The following NCAN variants were observed in gnomAD, a reference collection of about 807,000 sequenced individuals.
NCAN encodes the protein neurocan, also known as neurocan core protein.
In NCAN, 47 loss-of-function variants were observed where a neutral mutation model predicts 121.8. That is an observed-to-expected ratio of 0.39 (90% confidence interval 0.31 to 0.49). NCAN has a LOEUF of 0.49. Ranked by LOEUF, NCAN falls within the 20% of genes least tolerant of loss-of-function variation. The probability of loss-of-function intolerance (pLI) is 0.92; values close to 1 mark genes in which losing one functional copy is unlikely to be tolerated. For missense variants in NCAN, 1,517 were observed against 1,773.4 expected, an observed-to-expected ratio of 0.86 and a Z score of 2.60; for synonymous variants, 633 against 702.0, an observed-to-expected ratio of 0.90 and a Z score of 1.55.
At position 19,248,685 on chromosome 19, in the gene NCAN, A is replaced by T. The variant is rs896360173; in HGVS notation, c.3638-15A>T. On this transcript the variant is annotated splice_polypyrimidine_tract_variant and intron_variant, in intron 13 of 14. Coordinates refer to ENST00000252575, the MANE Select transcript of NCAN (RefSeq NM_004386.3). The stretch of plus-strand genomic sequence containing the variant: ...GATGTGAGCACCTCTCTCACTAGAG[A>T]TTCCTCTGTCCCAGTGCTCTGTGGT... The T allele has an allele frequency of 6.2e-7, 1 of 1,608,970 alleles. No individual in the cohort carries two copies.
At position 19,225,185 on chromosome 19, in the gene NCAN, C is replaced by G; in HGVS notation, c.987C>G (p.Ala329=). The change falls in exon 6 of 15, where the codon GCC becomes GCG. Residue 329 remains alanine (A), a synonymous_variant. Coordinates refer to ENST00000252575, the MANE Select transcript of NCAN (RefSeq NM_004386.3). This position sits in a 1 kb window ranked among gnomAD's most constrained non-coding sequence, Gnocchi z 4.0. The part of the protein sequence containing the change: ...QTPRRRCGGP[A]PGVRTVYRFA... The stretch of plus-strand genomic sequence containing the variant: ...CGCGCCGGCGCTGCGGGGGCCCAGC[C>G]CCGGGCGTGCGCACCGTCTACCGCT... The G allele has an allele frequency of 6.5e-7, 1 of 1,550,376 alleles. No individual in the cohort carries two copies. The highest frequency in any genetic ancestry group is 1.4e-5 in the African/African-American group (1 of 70,938).
intron 9 of NCAN, 142 bp downstream of exon 9, chr19:19,234,047 C>T: frequency 1.7e-6 from 1 of 601,226 alleles, no homozygotes; most frequent in Non-Finnish European, 3.0e-6. Flanking sequence ...CCACTCCTTG[C>T]ATTCAGCTAA....
chr19:19,246,855 A>G (rs1340951432), intron 13 of NCAN, among the ~76,000 whole-genome samples: 1 of 151,998 alleles, frequency 6.6e-6, no homozygotes, highest in African/African-American at 2.4e-5. Context: ...CCAACTGTTT[A>G]TATGTTGACA....
chr19:19,248,949 C>T (rs749484410), intron 14 of NCAN, 67 bp downstream of exon 14: 1 of 1,534,934 alleles, frequency 6.5e-7, no homozygotes, highest in East Asian at 2.3e-5. Flanking sequence ...GTAAGACATC[C>T]TATTTCTCCA....
At position 19,212,325 on chromosome 19, in the gene NCAN, G is replaced by C. The variant is rs1481910576; in HGVS notation, c.-8+261G>C. ...CCCGGTGGGGAGGGGGCCGGGCTGG[G>C]GGTGGGTCTCAGGGTTGAGGAGGGA... On this transcript the variant is annotated intron_variant, in intron 1 of 14. Coordinates refer to ENST00000252575, the MANE Select transcript of NCAN (RefSeq NM_004386.3). This position sits in a 1 kb window ranked among gnomAD's most constrained non-coding sequence, Gnocchi z 4.5. 5.3e-5 allele frequency among the ~76,000 whole-genome samples: 8 copies of C among 151,808 alleles called. No homozygotes were observed. The highest frequency in any genetic ancestry group is 5.2e-4 in the Admixed American group (8 of 15,244).
chr19:19,233,850 C>T lies in NCAN; in HGVS notation c.3081C>T (p.Gly1027=). 1 of 1,614,114 alleles carries T rather than the reference C, an allele frequency of 6.2e-7. No individual in the cohort carries two copies. The highest frequency in any genetic ancestry group is 2.2e-5 in the East Asian group (1 of 44,888). ...CLHGGTCNAN[G]TMYGCSCDQG... The stretch of plus-strand genomic sequence containing the variant: ...ATGGAGGGACATGTAATGCCAATGG[C>T]ACCATGTATGGCTGTAGCTGTGATC... Residue 1027 remains glycine, a synonymous_variant, in exon 9 of 15, where the codon GGC becomes GGT. Transcript: ENST00000252575.
At chr19:19,229,219 A>G (rs2060849520) in intron 8 of NCAN, among the ~76,000 whole-genome samples, 2 of 152,166 alleles carry the variant, frequency 1.3e-5, no homozygotes, top group African/African-American at 2.4e-5. Flanking sequence ...AAACAAAAAC[A>G]AAAACAAAGT....
intron 10 of NCAN, among the ~76,000 whole-genome samples, chr19:19,235,609 G>T (rs561428228): frequency 6.7e-6 from 1 of 148,242 alleles, no homozygotes; most frequent in Admixed American, 6.8e-5. Context: ...ACAGAGTCTC[G>T]CTCTGTCACC....
Position 19,226,828 on chromosome 19 carries a change from C to A in NCAN, c.1415C>A (p.Pro472Gln). Residue 472 changes from proline to glutamine, a missense_variant, in exon 7 of 15, where the codon CCA becomes CAA. By Grantham distance (76) the Pro-to-Gln change is moderately conservative. Coordinates refer to ENST00000252575, the MANE Select transcript of NCAN (RefSeq NM_004386.3). Reference protein sequence around the residue: ...TAASSHTEVAPTDPMPRRRGR... With the variant: ...TAASSHTEVAQTDPMPRRRGR... ...GCAAGTTCACACACGGAGGTGGCCCCAACTGACCCTATGCCTAGGAGAAGG... is the reference window on the plus strand; with the variant it reads ...GCAAGTTCACACACGGAGGTGGCCCAAACTGACCCTATGCCTAGGAGAAGG... 1 of 1,613,250 alleles carries A rather than the reference C, an allele frequency of 6.2e-7. No individual in the cohort carries two copies. The highest frequency in any genetic ancestry group is 1.7e-5 in the Admixed American group (1 of 60,022).
intron 10 of NCAN, 26 bp downstream of exon 10, chr19:19,235,122 A>G (rs2060876155): frequency 1.3e-6 from 2 of 1,542,994 alleles, no homozygotes; most frequent in South Asian, 1.1e-5. Flanking sequence ...AACACCAGAA[A>G]CAGTACCAAG....
chr19:19,222,455 T>A (rs2060820149), intron 3 of NCAN, among the ~76,000 whole-genome samples: 1 of 152,094 alleles, frequency 6.6e-6, no homozygotes, highest in African/African-American at 2.4e-5. Flanking sequence ...ATTTTTGTAT[T>A]TTTAGTAGAG....
chr19:19,228,270 G>A lies in NCAN; in HGVS notation c.2650G>A (p.Val884Ile), dbSNP rs940846307. The A allele has an allele frequency of 6.2e-7, 1 of 1,613,938 alleles. No homozygotes were observed. The highest frequency in any genetic ancestry group is 8.5e-7 in the Non-Finnish European group (1 of 1,179,998). Reference sequence around the variant, plus strand: ...CCTGGAGCAGGGGGACAAGGTTGGAGTTCCAGCCATGTCTACACTGGGCTC... The same window carrying A: ...CCTGGAGCAGGGGGACAAGGTTGGAATTCCAGCCATGTCTACACTGGGCTC... ...TTLEQGDKVG[V>I]PAMSTLGSSS... is the part of the protein sequence containing the mutation. The change falls in exon 8 of 15, where the codon GTT (valine) becomes ATT (isoleucine). Residue 884 changes from valine (V) to isoleucine (I), a missense_variant. Coordinates refer to ENST00000252575, the MANE Select transcript of NCAN (RefSeq NM_004386.3).
Position 19,238,358 on chromosome 19 carries a change from G to T in NCAN, c.3356G>T (p.Arg1119Leu), listed in dbSNP as rs142856081. Residue 1119 changes from arginine (R) to leucine (L), a missense_variant, in exon 11 of 15, where the codon CGC becomes CTC. Physicochemically the swap from Arg to Leu is moderately radical, Grantham distance 102. Coordinates refer to ENST00000252575, the MANE Select transcript of NCAN (RefSeq NM_004386.3). ...WEDAEKDCRR[R>L]SGHLTSVHSP... Reference sequence around the variant, plus strand: ...GATGCCGAGAAGGACTGCCGCCGCCGCTCCGGCCACCTGACCAGCGTCCAC... The same window carrying T: ...GATGCCGAGAAGGACTGCCGCCGCCTCTCCGGCCACCTGACCAGCGTCCAC... 1.1e-3 allele frequency: 1,754 copies of T among 1,614,180 alleles called. 5 individuals carry two copies. Among genetic ancestry groups the T allele is most frequent in the Admixed American group, 1.3e-3 (77 of 60,016 alleles).
At position 19,228,022 on chromosome 19, in the gene NCAN, G is replaced by C. The variant is rs780494272; in HGVS notation, c.2402G>C (p.Ser801Thr). The change falls in exon 8 of 15, where the codon AGC becomes ACC. Residue 801 changes from serine to threonine, a missense_variant. Transcript: ENST00000252575. ...DASSPSAPLG[S>T]PGVFLVPKVT... ...AGTTCCCCATCTGCCCCCCTGGGGA[G>C]CCCTGGAGTCTTCTTGGTACCCAAA... 7 of 1,613,530 alleles carry C rather than the reference G, an allele frequency of 4.3e-6. No individual in the cohort carries two copies. In the Middle Eastern group the frequency reaches 8.2e-4, roughly 190 times the overall value.
intron 1 of NCAN, 45 bp from the exon 2 acceptor site, chr19:19,216,902 G>T (rs2060798084): frequency 1.7e-6 from 2 of 1,178,272 alleles, no homozygotes; most frequent in African/African-American, 1.6e-5. Flanking sequence ...ATCTGGGAGG[G>T]TTGGGCTGTG....
In NCAN at chr19:19,250,548, G is replaced by A. The variant is rs2060942908; in HGVS notation, c.*637G>A. On this transcript the variant is annotated 3_prime_UTR_variant, in exon 15 of 15. Coordinates refer to ENST00000252575, the MANE Select transcript of NCAN (RefSeq NM_004386.3). ...ACCTCCCTCCATGCCTTCAGAGTTA[G>A]GAGTGAGAATGATCAAAGCAATATG... The A allele has an allele frequency of 4.2e-6, 1 of 237,594 alleles. No individual in the cohort carries two copies. The highest frequency in any genetic ancestry group is 8.3e-6 in the Non-Finnish European group (1 of 120,412). 14.7% of individuals were successfully genotyped at this position (237,594 alleles called of 1,614,324 possible).
At chr19:19,238,186 T>G in intron 10 of NCAN, 67 bp from the exon 11 acceptor site, 2 of 1,600,460 alleles carry the variant, frequency 1.2e-6, no homozygotes. Flanking sequence ...GTGGGCTGGC[T>G]GTGCTCATGG....
chr19:19,235,162 C>T, intron 10 of NCAN, 66 bp downstream of exon 10: 1 of 971,944 alleles, frequency 1.0e-6, no homozygotes, highest in Non-Finnish European at 1.6e-6. Flanking sequence ...CCACAGGCTT[C>T]CCCACATACT....
At chr19:19,218,412 A>G (rs1367112500) in intron 2 of NCAN, among the ~76,000 whole-genome samples, 1 of 152,058 alleles carries the variant, frequency 6.6e-6, no homozygotes, top group African/African-American at 2.4e-5. Context: ...GCAGTGAATC[A>G]TGATCATGTC....
Sources: gnomAD v4.1 joint callset for allele counts (sites outside exome capture counted in the v4.1 genomes callset) on GRCh38, gnomAD v4.1.1 for gene constraint, Gnocchi (gnomAD v3.1) non-coding constraint, MANE v1.5 for transcripts, NCBI Gene and HGNC (gene_info 2026-07-23, HGNC 2026-07-21) for gene names.